Variants in CDYL observed in about 807,000 individuals in gnomAD.
The protein encoded by CDYL is chromodomain Y-like protein.
A neutral mutation model predicts 47.3 loss-of-function variants in CDYL; 8 were observed. The observed-to-expected ratio is 0.17, with a 90% CI of 0.10 to 0.31. The LOEUF is 0.31. Ranked by LOEUF, CDYL falls within the 10% of genes least tolerant of loss-of-function variation. The pLI is 1.00. For missense variants in CDYL, 471 were observed against 701.4 expected (o/e 0.67, Z 3.71); for synonymous variants, 266 against 265.0 (o/e 1.00, Z -0.04).
intron 2 of CDYL, among the ~76,000 whole-genome samples, chr6:4,718,878 G>T (rs1042469727): frequency 1.3e-5 from 2 of 150,640 alleles, no homozygotes; most frequent in Non-Finnish European, 2.9e-5. Flanking sequence ...AGGCATTCAG[G>T]TTATATTGAT....
At chr6:4,771,386 T>C (rs1758335927) in intron 3 of CDYL, among the ~76,000 whole-genome samples, 1 of 152,222 alleles carries the variant, frequency 6.6e-6, no homozygotes, top group African/African-American at 2.4e-5. Flanking sequence ...AGTTTTGGGA[T>C]TACAGGCGTC....
chr6:4,789,414 C>T (rs1758855382), intron 1 of CDYL, among the ~76,000 whole-genome samples: 1 of 152,134 alleles, frequency 6.6e-6, no homozygotes, highest in African/African-American at 2.4e-5. Context: ...CTAGTGGTGT[C>T]TCTGGGCACG....
At chr6:4,783,203 C>A (rs1029532748) in intron 1 of CDYL, among the ~76,000 whole-genome samples, 12 of 148,550 alleles carry the variant, frequency 8.1e-5, no homozygotes, top group African/African-American at 3.0e-4. Flanking sequence ...TAAGTGTATC[C>A]TTTAGAGATT....
intron 5 of CDYL, among the ~76,000 whole-genome samples, chr6:4,947,813 C>T (rs1357923222): frequency 6.6e-6 from 1 of 152,170 alleles, no homozygotes; most frequent in South Asian, 2.1e-4. Context: ...TCTGGAACCA[C>T]GTGGCCTCAC....
rs1561697470 is a variant in CDYL at position 4,900,787 on chromosome 6, A to ATG, written c.691+8409_691+8410insGT. On this transcript the variant is annotated intron_variant, in intron 2 of 6. Coordinates refer to ENST00000397588, the MANE Select transcript of CDYL (RefSeq NM_004824.4). ...TAATTCCGTATACGTGTGTATATAT[A>ATG]TATATATATATATATATATATATAT... Among the ~76,000 whole-genome samples the ATG allele has an allele frequency of 3.6e-3, 171 of 47,068 alleles. 14 individuals are homozygous for ATG. The highest frequency in any genetic ancestry group is 0.02 in the Middle Eastern group (2 of 100). The allele number at this position is 47,068 out of a possible 152,430, so 30.9% of individuals were successfully genotyped here.
chr6:4,900,782 T>TAC (rs1757010639), intron 2 of CDYL, among the ~76,000 whole-genome samples: 1 of 24,270 alleles, frequency 4.1e-5, no homozygotes, highest in African/African-American at 3.0e-4. Flanking sequence ...TACGTGTGTA[T>TAC]ATATATATAT....
At chr6:4,941,541 C>T (rs1049845315) in intron 4 of CDYL, among the ~76,000 whole-genome samples, 2 of 152,148 alleles carry the variant, frequency 1.3e-5, no homozygotes, top group Non-Finnish European at 2.9e-5. Context: ...ATTCATACCC[C>T]GTCCAGAAAG....
At chr6:4,866,192 G>A (rs1761316461) in intron 1 of CDYL, among the ~76,000 whole-genome samples, 1 of 152,090 alleles carries the variant, frequency 6.6e-6, no homozygotes, top group Admixed American at 6.5e-5. Context: ...TTTGGAGTCG[G>A]TCAAGTACCC....
intron 1 of CDYL, among the ~76,000 whole-genome samples, chr6:4,863,846 T>C (rs1761243778): frequency 6.6e-6 from 1 of 152,216 alleles, no homozygotes. Flanking sequence ...CCCAAGACCT[T>C]GTCTCAAGCA....
chr6:4,747,615 T>C (rs1031812381), intron 3 of CDYL, among the ~76,000 whole-genome samples: 6 of 152,174 alleles, frequency 3.9e-5, no homozygotes, highest in Non-Finnish European at 1.5e-5. Context: ...AGAGAGCCTG[T>C]ACCAGCACTT....
chr6:4,866,576 A>G (rs1761329269), intron 1 of CDYL, among the ~76,000 whole-genome samples: 1 of 152,144 alleles, frequency 6.6e-6, no homozygotes, highest in South Asian at 2.1e-4. Flanking sequence ...GTCCTTGAAT[A>G]AGATCATTTT....
At chr6:4,866,384 A>G (rs1307300867) in intron 1 of CDYL, among the ~76,000 whole-genome samples, 3 of 152,184 alleles carry the variant, frequency 2.0e-5, no homozygotes, top group Non-Finnish European at 2.9e-5. Flanking sequence ...TTTATCAAGT[A>G]GAAGAAAGAA....
chr6:4,780,683 G>A (rs535637803), intron 1 of CDYL, among the ~76,000 whole-genome samples: 7 of 152,058 alleles, frequency 4.6e-5, no homozygotes, highest in Non-Finnish European at 8.8e-5. Context: ...GGCTTAAATG[G>A]CATTAGCGTG....
intron 1 of CDYL, among the ~76,000 whole-genome samples, chr6:4,818,171 A>T (rs1207006208): frequency 6.6e-6 from 1 of 152,076 alleles, no homozygotes; most frequent in Non-Finnish European, 1.5e-5. Context: ...TGGGAGGATC[A>T]CTTGAGCCTG....
intron 2 of CDYL, among the ~76,000 whole-genome samples, chr6:4,909,902 G>A (rs1220520699): frequency 6.6e-6 from 1 of 152,086 alleles, no homozygotes; most frequent in Non-Finnish European, 1.5e-5. Flanking sequence ...GTGGCCTACA[G>A]GACCCTTTGG....
At chr6:4,896,294 G>A (rs1222440930) in intron 2 of CDYL, among the ~76,000 whole-genome samples, 3 of 152,208 alleles carry the variant, frequency 2.0e-5, no homozygotes, top group East Asian at 1.9e-4. Flanking sequence ...CAGTTCTGTC[G>A]CTGCCCTGGT....
chr6:4,750,457 C>T (rs945743647), intron 3 of CDYL, among the ~76,000 whole-genome samples: 10 of 152,146 alleles, frequency 6.6e-5, no homozygotes, highest in Non-Finnish European at 1.3e-4. Flanking sequence ...CTGCCTCAGC[C>T]TCCCAAAGTG....
At chr6:4,820,855 G>A (rs889985370) in intron 1 of CDYL, among the ~76,000 whole-genome samples, 3 of 152,204 alleles carry the variant, frequency 2.0e-5, no homozygotes, top group Non-Finnish European at 4.4e-5. Flanking sequence ...CCTGCAGCGT[G>A]CAGAAACACG....
intron 3 of CDYL, among the ~76,000 whole-genome samples, chr6:4,764,389 A>G (rs1758220940): frequency 6.6e-6 from 1 of 152,114 alleles, no homozygotes; most frequent in Admixed American, 6.5e-5. Flanking sequence ...TTCCAGGTTC[A>G]AAAGATTCTC....
Sources: allele counts gnomAD v4.1 joint callset (sites outside exome capture counted in the v4.1 genomes callset), GRCh38; gene constraint gnomAD v4.1.1; transcripts MANE v1.5; gene names NCBI Gene and HGNC (gene_info 2026-07-23, HGNC 2026-07-21).